The following SLC44A5 variants were observed in gnomAD, a reference collection of about 807,000 sequenced individuals.
SLC44A5 encodes the protein choline transporter-like protein 5.
Under a neutral mutation model 101.8 loss-of-function variants are expected in SLC44A5, and 57 were observed. The observed-to-expected ratio is 0.56, with a 90% CI of 0.45 to 0.70. The LOEUF (loss-of-function observed/expected upper bound fraction) is 0.70, where lower values mean the gene tolerates loss of function less well. SLC44A5 is among the 30% of genes least tolerant of loss of function. The probability of loss-of-function intolerance (pLI) is 0.00; values close to 1 mark genes in which losing one functional copy is unlikely to be tolerated. For missense variants in SLC44A5, 737 were observed against 853.1 expected (o/e 0.86, Z 1.70); for synonymous variants, 281 against 290.9 (o/e 0.97, Z 0.35).
intron 2 of SLC44A5, among the ~76,000 whole-genome samples, chr1:75,423,800 C>A (rs1231595573): frequency 6.6e-6 from 1 of 152,228 alleles, no homozygotes; most frequent in Non-Finnish European, 1.5e-5. Flanking sequence ...GATACACTTG[C>A]ATACCCATTA....
chr1:75,597,076 T>C (rs1674679307), intron 1 of SLC44A5, among the ~76,000 whole-genome samples: 1 of 151,484 alleles, frequency 6.6e-6, no homozygotes, highest in Non-Finnish European at 1.5e-5. Flanking sequence ...TAGTCCCAGC[T>C]ACTTGGGAGG....
intron 2 of SLC44A5, among the ~76,000 whole-genome samples, chr1:75,523,545 C>T (rs574887335): frequency 2.0e-4 from 30 of 151,970 alleles, no homozygotes; most frequent in African/African-American, 7.2e-4. Context: ...CAGTCTTGAA[C>T]TCCTGACCTC....
chr1:75,447,378 A>G (rs533305404), intron 2 of SLC44A5, among the ~76,000 whole-genome samples: 47 of 142,714 alleles, frequency 3.3e-4, no homozygotes, highest in African/African-American at 1.2e-3. Flanking sequence ...TATTAAAATA[A>G]TCACTTATTT....
At chr1:75,233,961 T>C (rs10493564) in intron 12 of SLC44A5, 25 bp downstream of exon 12, 393,815 of 1,465,942 alleles carry the variant, frequency 0.27, 55,049 homozygotes, top group Middle Eastern at 0.36. Context: ...TGATATTTGA[T>C]AATTTGAAGA....
chr1:75,559,409 T>C (rs546000648), intron 1 of SLC44A5, among the ~76,000 whole-genome samples: 1 of 152,116 alleles, frequency 6.6e-6, no homozygotes, highest in South Asian at 2.1e-4. Flanking sequence ...GGCTGGGACA[T>C]AAAAAGGAAA....
chr1:75,396,707 A>T (rs1662148174), intron 2 of SLC44A5, 86 bp from the exon 3 acceptor site: 3 of 1,064,972 alleles, frequency 2.8e-6, no homozygotes, highest in East Asian at 2.4e-5. Context: ...TATCCTAAAA[A>T]ATCTTAGTCT....
intron 3 of SLC44A5, among the ~76,000 whole-genome samples, chr1:75,384,123 C>T (rs1465237399): frequency 2.6e-5 from 4 of 152,080 alleles, no homozygotes; most frequent in South Asian, 2.1e-4. Context: ...TAAAGACCAT[C>T]TAGACTAGGA....
intron 3 of SLC44A5, among the ~76,000 whole-genome samples, chr1:75,340,922 C>G (rs1657827906): frequency 6.6e-6 from 1 of 152,200 alleles, no homozygotes; most frequent in South Asian, 2.1e-4. Context: ...TGGCATTTAT[C>G]TTGTGGTCTA....
At chr1:75,363,542 A>G (rs1283429012) in intron 3 of SLC44A5, among the ~76,000 whole-genome samples, 4 of 152,080 alleles carry the variant, frequency 2.6e-5, no homozygotes, top group Non-Finnish European at 5.9e-5. Flanking sequence ...TTCTAATTGC[A>G]TACAAAAATT....
At chr1:75,718,250 A>T in the SLC44A5 span, among the ~76,000 whole-genome samples, 1 of 152,194 alleles carries the variant, frequency 6.6e-6, no homozygotes, top group African/African-American at 2.4e-5. Flanking sequence ...TTAACTGGAC[A>T]TGCTAAATGG....
rs561865022 is a variant in SLC44A5, at chr1:75,219,388, A to T, written c.1179-44T>A. The T allele has an allele frequency of 1.2e-5, 16 of 1,303,010 alleles. No homozygotes were observed. The South Asian group carries it at 1.9e-4, about 16-fold the overall frequency. The allele number at this position is 1,303,010 out of a possible 1,614,324, so 80.7% of individuals were successfully genotyped here. The stretch of plus-strand genomic sequence containing the variant: ...GGATAAACCATTTGCTGGTAGATTG[A>T]AAATAAATGGACAAGAAAACAATAC... On this transcript the variant is annotated intron_variant, in intron 15 of 23. Coordinates refer to ENST00000370859, the MANE Select transcript of SLC44A5 (RefSeq NM_001130058.2).
At chr1:75,389,639 A>C (rs899231205) in intron 3 of SLC44A5, among the ~76,000 whole-genome samples, 14 of 152,170 alleles carry the variant, frequency 9.2e-5, no homozygotes, top group African/African-American at 3.1e-4. Context: ...CAACATAGCA[A>C]AATCTCTGGG....
intron 3 of SLC44A5, among the ~76,000 whole-genome samples, chr1:75,359,978 T>G (rs1284800219): frequency 6.6e-6 from 1 of 152,212 alleles, no homozygotes; most frequent in East Asian, 1.9e-4. Context: ...TTGAGAAATG[T>G]CTGTTCAGGT....
intron 2 of SLC44A5, among the ~76,000 whole-genome samples, chr1:75,415,447 A>T (rs1253690082): frequency 6.6e-6 from 1 of 152,224 alleles, no homozygotes; most frequent in Non-Finnish European, 1.5e-5. Flanking sequence ...AAGTCTAATC[A>T]AACCTCCATG....
the SLC44A5 span, among the ~76,000 whole-genome samples, chr1:75,659,485 G>GAAGGAAGGAAGGAAGGAAGA: frequency 1.3e-3 from 88 of 69,680 alleles, 3 homozygotes; most frequent in East Asian, 0.014. Flanking sequence ...AGGAAGGAAG[G>GAAGGAAGGAAGGAAGGAAGA]AAGGAAGGCA....
At chr1:75,673,639 C>T in the SLC44A5 span, among the ~76,000 whole-genome samples, 1 of 152,156 alleles carries the variant, frequency 6.6e-6, no homozygotes, top group African/African-American at 2.4e-5. Flanking sequence ...GGCTTCAGGC[C>T]TGACCCAGCA....
chr1:75,667,657 T>C, the SLC44A5 span, among the ~76,000 whole-genome samples: 2 of 152,132 alleles, frequency 1.3e-5, no homozygotes, highest in African/African-American at 4.8e-5. Context: ...TTTTACAGGA[T>C]ACTGAGACAC....
intron 1 of SLC44A5, among the ~76,000 whole-genome samples, chr1:75,544,352 T>G (rs761187478): frequency 3.3e-5 from 5 of 152,306 alleles, no homozygotes; most frequent in South Asian, 2.1e-4. Flanking sequence ...TTTCTGTTTA[T>G]TATAAATTAC....
At chr1:75,421,772 G>A (rs572558531) in intron 2 of SLC44A5, among the ~76,000 whole-genome samples, 2 of 151,820 alleles carry the variant, frequency 1.3e-5, no homozygotes, top group South Asian at 2.1e-4. Flanking sequence ...GTGGAAAAAA[G>A]CTTTTGTTAT....
Sources: gnomAD v4.1 joint callset for allele counts (sites outside exome capture counted in the v4.1 genomes callset) on GRCh38, gnomAD v4.1.1 for gene constraint, MANE v1.5 for transcripts, NCBI Gene and HGNC (gene_info 2026-07-23, HGNC 2026-07-21) for gene names.